The following IFT81 variants were observed in gnomAD, a reference collection of about 807,000 sequenced individuals.
The protein encoded by IFT81 is intraflagellar transport protein 81 homolog.
A neutral mutation model predicts 102.6 loss-of-function variants in IFT81; 72 were observed. The ratio of observed to expected loss-of-function variants is 0.70; its 90% CI spans 0.58 to 0.85. The LOEUF (loss-of-function observed/expected upper bound fraction) is 0.85, where lower values mean the gene tolerates loss of function less well. Among genes scored for constraint, IFT81 ranks in the 40% least tolerant of loss-of-function variants. The pLI is 0.00. For missense variants in IFT81, 723 were observed against 787.3 expected (o/e 0.92, Z 0.98); for synonymous variants, 237 against 242.7 (o/e 0.98, Z 0.22).
chr12:110,217,691 A>C (rs1870313803), intron 18 of IFT81, among the ~76,000 whole-genome samples: 1 of 151,890 alleles, frequency 6.6e-6, no homozygotes, highest in African/African-American at 2.4e-5. Flanking sequence ...CCTCCCGAGT[A>C]GCTGGGACTA....
intron 18 of IFT81, chr12:110,216,905 T>A (rs139240928): frequency 5.1e-6 from 1 of 196,824 alleles, no homozygotes; most frequent in East Asian, 1.7e-4. Flanking sequence ...TCCTGTTGGT[T>A]TCTTGAGAAA....
chr12:110,145,843 C>T (rs1296662172), intron 9 of IFT81, among the ~76,000 whole-genome samples: 2 of 151,870 alleles, frequency 1.3e-5, no homozygotes, highest in Non-Finnish European at 2.9e-5. Flanking sequence ...TGGAGTCTCA[C>T]TCTGTCACCC....
At chr12:110,212,414 A>C (rs1209291272) in intron 18 of IFT81, among the ~76,000 whole-genome samples, 2 of 151,638 alleles carry the variant, frequency 1.3e-5, no homozygotes, top group Non-Finnish European at 2.9e-5. Flanking sequence ...GCGTGGTGGC[A>C]TGTGCCTGTG....
chr12:110,130,282 T>G (rs373467197), intron 4 of IFT81, among the ~76,000 whole-genome samples: 3 of 152,224 alleles, frequency 2.0e-5, no homozygotes, highest in East Asian at 3.9e-4. Context: ...TAGAGAAGTG[T>G]AAATGTGTAC....
intron 10 of IFT81, among the ~76,000 whole-genome samples, chr12:110,153,946 A>T (rs1168419492): frequency 6.6e-6 from 1 of 151,448 alleles, no homozygotes. Context: ...TGTTGGGTGG[A>T]ATTCACCAGT....
At chr12:110,158,969 G>A (rs536173967) in intron 10 of IFT81, among the ~76,000 whole-genome samples, 4 of 152,092 alleles carry the variant, frequency 2.6e-5, no homozygotes, top group Admixed American at 6.5e-5. Context: ...TGATCCGCCC[G>A]CCTCAGCCTC....
intron 12 of IFT81, among the ~76,000 whole-genome samples, chr12:110,189,586 G>A (rs1352488137): frequency 6.6e-6 from 1 of 151,896 alleles, no homozygotes; most frequent in Admixed American, 6.6e-5. Flanking sequence ...TGACCTTAGG[G>A]GATCCACCTG....
At chr12:110,148,481 T>TC (rs1187158127) in intron 10 of IFT81, among the ~76,000 whole-genome samples, 2 of 150,040 alleles carry the variant, frequency 1.3e-5, no homozygotes. Context: ...CTGGACTACT[T>TC]TTTTTTTTTC....
chr12:110,186,395 G>A (rs1226612432), intron 12 of IFT81, among the ~76,000 whole-genome samples: 2 of 152,120 alleles, frequency 1.3e-5, no homozygotes, highest in Non-Finnish European at 2.9e-5. Context: ...CTTAAGGTCT[G>A]TAAAGCTTCT....
intron 2 of IFT81, among the ~76,000 whole-genome samples, 169 bp downstream of exon 2, chr12:110,127,693 T>C (rs1566098002): frequency 1.3e-5 from 2 of 152,240 alleles, no homozygotes; most frequent in African/African-American, 2.4e-5. Flanking sequence ...AAATAAATTA[T>C]CTATTGGTAC....
intron 5 of IFT81, 96 bp from the exon 6 acceptor site, chr12:110,134,851 GA>G: frequency 1.2e-6 from 1 of 835,194 alleles, no homozygotes; most frequent in South Asian, 1.7e-5. Flanking sequence ...GGTTATAAAT[GA>G]TGAAAATGTT....
intron 1 of IFT81, among the ~76,000 whole-genome samples, chr12:110,126,969 AT>A (rs1464466927): frequency 1.1e-4 from 16 of 152,236 alleles, no homozygotes; most frequent in African/African-American, 3.4e-4. Flanking sequence ...TTTTTGGGAG[AT>A]TTGGGAGAAA....
At chr12:110,163,488 G>C (rs768070427) in intron 11 of IFT81, among the ~76,000 whole-genome samples, 2 of 152,086 alleles carry the variant, frequency 1.3e-5, no homozygotes, top group Admixed American at 6.5e-5. Context: ...TGATCTGCCT[G>C]CCTTGGCCTC....
chr12:110,217,755 T>C (rs768671275), intron 18 of IFT81, among the ~76,000 whole-genome samples: 5 of 151,866 alleles, frequency 3.3e-5, no homozygotes, highest in Non-Finnish European at 7.4e-5. Flanking sequence ...TTTGGAGAAC[T>C]AGAAAGGCAA....
At chr12:110,183,122 A>G (rs1371537835) in intron 12 of IFT81, among the ~76,000 whole-genome samples, 1 of 152,186 alleles carries the variant, frequency 6.6e-6, no homozygotes, top group Non-Finnish European at 1.5e-5. Context: ...TACGAATGCT[A>G]TCATACTTCC....
At chr12:110,213,381 GT>G (rs1566175611) in intron 18 of IFT81, among the ~76,000 whole-genome samples, 1 of 151,968 alleles carries the variant, frequency 6.6e-6, no homozygotes, top group Non-Finnish European at 1.5e-5. Flanking sequence ...ATGTTCTTCT[GT>G]CCCCAGTATA....
At position 110,168,605 on chromosome 12, in the gene IFT81, A is replaced by G. The variant is rs976970916; in HGVS notation, c.1188+5540A>G. ...TTTTGACTTCATGTTTTAAGAGACA[A>G]TCATGCCAGAGTCCCACATGAGGGT... is the stretch of plus-strand genomic sequence containing the variant. On this transcript the variant is annotated intron_variant, in intron 11 of 18. Transcript: ENST00000242591. 17 of 237,406 alleles carry G rather than the reference A, an allele frequency of 7.2e-5. No homozygotes were observed. The East Asian group carries it at 7.2e-4, about 10-fold the overall frequency. 14.7% of individuals were successfully genotyped at this position (237,406 alleles called of 1,614,324 possible).
chr12:110,205,627 T>C lies in IFT81; in HGVS notation c.1749T>C (p.Asp583=). The C allele has an allele frequency of 6.2e-7, 1 of 1,604,816 alleles. No individual in the cohort carries two copies. Among genetic ancestry groups the C allele is most frequent in the East Asian group, 2.2e-5 (1 of 44,588 alleles). ...AAGTTCAACTTCGTCGTGCTACTGATGAGATGAAGGCATATATCTCTTCTG... is the reference window on the plus strand; with the variant it reads ...AAGTTCAACTTCGTCGTGCTACTGACGAGATGAAGGCATATATCTCTTCTG... ...NLEVQLRRAT[D]EMKAYISSDQ... is the part of the protein sequence containing the mutation. The change falls in exon 17 of 19, where the codon GAT becomes GAC. Residue 583 remains aspartate, a synonymous_variant. Transcript: ENST00000242591.
At chr12:110,172,246 G>A (rs899163263) in intron 11 of IFT81, among the ~76,000 whole-genome samples, 2 of 152,056 alleles carry the variant, frequency 1.3e-5, no homozygotes, top group Non-Finnish European at 2.9e-5. Context: ...CCTGGCCAAC[G>A]TGATGAAACC....
Sources: gnomAD v4.1 joint callset for allele counts (sites outside exome capture counted in the v4.1 genomes callset) on GRCh38, gnomAD v4.1.1 for gene constraint, MANE v1.5 for transcripts, NCBI Gene and HGNC (gene_info 2026-07-23, HGNC 2026-07-21) for gene names.